RXFP1: variants seen among roughly 807,000 people sequenced by gnomAD.
RXFP1 encodes the protein relaxin family peptide receptor 1.
Under a neutral mutation model 89.8 loss-of-function variants are expected in RXFP1, and 73 were observed. That is an observed-to-expected ratio of 0.81 (90% CI 0.67 to 0.99). The LOEUF (loss-of-function observed/expected upper bound fraction) is 0.99. Among genes scored for constraint, RXFP1 ranks in the 50% least tolerant of loss-of-function variants. The pLI, the probability that RXFP1 is intolerant of heterozygous loss-of-function variation, is 0.00. For synonymous variants in RXFP1, 277 were observed against 305.5 expected (o/e 0.91, Z 0.97); for missense variants, 793 against 895.5 (o/e 0.89, Z 1.46).
At position 158,563,677 on chromosome 4, in the gene RXFP1, C is replaced by T. The variant is rs140931678; in HGVS notation, c.50-9021C>T. 5.0e-3 allele frequency among the ~76,000 whole-genome samples: 757 copies of T among 151,904 alleles called. 10 individuals are homozygous for T. The highest frequency in any genetic ancestry group is 0.017 in the Admixed American group (253 of 15,246). The stretch of plus-strand genomic sequence containing the variant: ...ATTTCTATCAACAATAAATCATTTG[C>T]GTTACTATAAGTATTCTACAACTTA... On this transcript the variant is annotated intron_variant, in intron 1 of 17. Transcript: ENST00000307765.
chr4:158,525,221 G>GT (rs1287519519), intron 1 of RXFP1, among the ~76,000 whole-genome samples: 2 of 149,768 alleles, frequency 1.3e-5, no homozygotes, highest in South Asian at 2.1e-4. Flanking sequence ...TACTTTGGCG[G>GT]GGGGGGGTTG....
chr4:158,637,437 A>G (rs945662943), intron 12 of RXFP1, among the ~76,000 whole-genome samples: 1 of 152,122 alleles, frequency 6.6e-6, no homozygotes, highest in African/African-American at 2.4e-5. Flanking sequence ...AATTATTCTA[A>G]AAGGTGTGAG....
intron 1 of RXFP1, chr4:158,544,235 A>T (rs1747604744): frequency 1.0e-6 from 1 of 985,212 alleles, no homozygotes; most frequent in Admixed American, 6.2e-5. Flanking sequence ...GTCTGTTGAG[A>T]AATATGTCTA....
intron 1 of RXFP1, among the ~76,000 whole-genome samples, chr4:158,561,824 C>T (rs907748130): frequency 2.6e-5 from 4 of 151,876 alleles, no homozygotes; most frequent in African/African-American, 9.7e-5. Flanking sequence ...GACAGGGTTT[C>T]ACCATGTTGG....
intron 1 of RXFP1, among the ~76,000 whole-genome samples, chr4:158,567,696 G>T (rs1324209612): frequency 6.6e-6 from 1 of 151,978 alleles, no homozygotes; most frequent in Non-Finnish European, 1.5e-5. Flanking sequence ...AATCTAGTGG[G>T]GACGTGGAGA....
intron 1 of RXFP1, among the ~76,000 whole-genome samples, chr4:158,568,298 T>C (rs1754201737): frequency 1.3e-5 from 2 of 152,142 alleles, no homozygotes; most frequent in South Asian, 4.1e-4. Context: ...ATACAATCAT[T>C]GAGGAGCTAT....
chr4:158,536,937 A>G (rs1326238004), intron 1 of RXFP1, among the ~76,000 whole-genome samples: 1 of 152,096 alleles, frequency 6.6e-6, no homozygotes, highest in Non-Finnish European at 1.5e-5. Context: ...AAAGAATTCC[A>G]TACTCATGGA....
chr4:158,543,960 T>C (rs1246847975), intron 1 of RXFP1: 2 of 985,336 alleles, frequency 2.0e-6, no homozygotes, highest in East Asian at 1.1e-4. Context: ...TCTTGGTGCA[T>C]ATTTTTGCAT....
At chr4:158,540,299 G>T (rs1383768663) in intron 1 of RXFP1, among the ~76,000 whole-genome samples, 1 of 152,078 alleles carries the variant, frequency 6.6e-6, no homozygotes, top group Non-Finnish European at 1.5e-5. Context: ...GAGTTTTCTG[G>T]GAAAGGGGCA....
At chr4:158,538,530 G>C (rs1265401565) in intron 1 of RXFP1, among the ~76,000 whole-genome samples, 1 of 152,106 alleles carries the variant, frequency 6.6e-6, no homozygotes, top group African/African-American at 2.4e-5. Context: ...AGAAAGAATA[G>C]GGGCCAGGCA....
At chr4:158,553,021 C>T (rs990348970) in intron 1 of RXFP1, among the ~76,000 whole-genome samples, 3 of 151,946 alleles carry the variant, frequency 2.0e-5, no homozygotes, top group African/African-American at 7.3e-5. Context: ...CCTGCCTCTA[C>T]AAAAATAAAA....
At chr4:158,610,553 T>A in intron 6 of RXFP1, 1 of 504,876 alleles carries the variant, frequency 2.0e-6, no homozygotes, top group South Asian at 1.6e-5. Context: ...AACCATTTTT[T>A]AAAAGTACTT....
At chr4:158,526,973 T>C (rs1742658860) in intron 1 of RXFP1, among the ~76,000 whole-genome samples, 1 of 152,104 alleles carries the variant, frequency 6.6e-6, no homozygotes, top group South Asian at 2.1e-4. Context: ...TCTCATTGAG[T>C]TCCTATGCAG....
chr4:158,591,566 T>C (rs1303935849), intron 2 of RXFP1, among the ~76,000 whole-genome samples: 2 of 135,182 alleles, frequency 1.5e-5, no homozygotes, highest in Non-Finnish European at 3.1e-5. Flanking sequence ...CTGGGCAACA[T>C]AGCAAAACCC....
At chr4:158,648,470 A>C in intron 16 of RXFP1, 29 bp from the exon 17 acceptor site, 1 of 1,289,740 alleles carries the variant, frequency 7.8e-7, no homozygotes, top group East Asian at 2.3e-5. Flanking sequence ...ATTTCTATGC[A>C]TTAATAATAC....
chr4:158,541,380 A>ACACACACACACACACG (rs1248381072), intron 1 of RXFP1, among the ~76,000 whole-genome samples: 16 of 151,720 alleles, frequency 1.1e-4, no homozygotes, highest in African/African-American at 3.6e-4. Context: ...ACACACACAC[A>ACACACACACACACACG]CAGTGTCCAG....
chr4:158,545,890 T>A (rs889231670), intron 1 of RXFP1, among the ~76,000 whole-genome samples: 3 of 152,258 alleles, frequency 2.0e-5, no homozygotes, highest in African/African-American at 7.2e-5. Context: ...GCGTGATGCC[T>A]CCAGCTTTGT....
At chr4:158,546,703 G>C (rs1748521425) in intron 1 of RXFP1, among the ~76,000 whole-genome samples, 1 of 152,168 alleles carries the variant, frequency 6.6e-6, no homozygotes, top group South Asian at 2.1e-4. Context: ...CATCTATTGA[G>C]ATAATCATGG....
At chr4:158,621,653 T>C (rs1001085401) in intron 9 of RXFP1, among the ~76,000 whole-genome samples, 2 of 152,212 alleles carry the variant, frequency 1.3e-5, no homozygotes, top group African/African-American at 4.8e-5. Context: ...AATCGTGTAA[T>C]AATATTTTTA....
Sources: allele counts gnomAD v4.1 joint callset (sites outside exome capture counted in the v4.1 genomes callset), GRCh38; gene constraint gnomAD v4.1.1; transcripts MANE v1.5; gene names NCBI Gene and HGNC (gene_info 2026-07-23, HGNC 2026-07-21).